ANXA4: variants seen among roughly 807,000 people sequenced by gnomAD.
ANXA4 encodes the protein 35-beta calcimedin.
A neutral mutation model predicts 49.8 loss-of-function variants in ANXA4; 39 were observed. The observed-to-expected ratio is 0.78, with a 90% CI of 0.61 to 1.02. ANXA4 has a LOEUF of 1.02. ANXA4 is among the 50% of genes least tolerant of loss of function. The pLI is 0.00. For missense variants in ANXA4, 360 were observed against 410.1 expected, an observed-to-expected ratio of 0.88 and a Z score of 1.05; for synonymous variants, 134 against 152.5, an observed-to-expected ratio of 0.88 and a Z score of 0.89.
At chr2:69,651,419 C>T (rs183360787) in intron 1 of ANXA4, among the ~76,000 whole-genome samples, 1 of 152,174 alleles carries the variant, frequency 6.6e-6, no homozygotes, top group African/African-American at 2.4e-5. Context: ...TTGATTCTTA[C>T]TTGCCTTACT....
chr2:69,674,801 A>G (rs1283884231), intron 2 of ANXA4, among the ~76,000 whole-genome samples: 1 of 152,118 alleles, frequency 6.6e-6, no homozygotes, highest in African/African-American at 2.4e-5. Flanking sequence ...TGTGACTTCA[A>G]TACCTATTCT....
intron 6 of ANXA4, chr2:69,808,544 G>A (rs1287536896): frequency 3.3e-5 from 5 of 153,632 alleles, no homozygotes; most frequent in Non-Finnish European, 1.4e-5. Context: ...ATTCAGCATT[G>A]TCTACATTAG....
chr2:69,745,763 T>G (rs1160488931), intron 1 of ANXA4, among the ~76,000 whole-genome samples: 1 of 152,104 alleles, frequency 6.6e-6, no homozygotes, highest in South Asian at 2.1e-4. Flanking sequence ...ACTCCTGACC[T>G]CAGATGATCC....
intron 1 of ANXA4, among the ~76,000 whole-genome samples, chr2:69,747,792 C>A (rs535597417): frequency 6.0e-4 from 91 of 152,152 alleles, no homozygotes; most frequent in African/African-American, 2.1e-3. Context: ...TTTAAGCAAT[C>A]CTTCCACTTC....
chr2:69,778,167 G>T (rs990510780), intron 1 of ANXA4, among the ~76,000 whole-genome samples: 1 of 152,182 alleles, frequency 6.6e-6, no homozygotes, highest in Non-Finnish European at 1.5e-5. Context: ...AGCTACTGTG[G>T]TTTGCCGACC....
chr2:69,695,095 G>C (rs1018913838), intron 2 of ANXA4, among the ~76,000 whole-genome samples: 4 of 151,968 alleles, frequency 2.6e-5, no homozygotes, highest in African/African-American at 4.8e-5. Context: ...AGAAAGCCAT[G>C]ATTGCGCCAC....
Position 69,656,260 on chromosome 2 carries a change from TATATATATGTATATAC to T in ANXA4, n.766+2979_766+2994del, listed in dbSNP as rs1343679129. Among the ~76,000 whole-genome samples, 24 of 136,626 alleles carry T rather than the reference TATATATATGTATATAC, an allele frequency of 1.8e-4. 3 individuals carry two copies. In the East Asian group the frequency reaches 4.6e-3, roughly 26 times the overall value. The allele number at this position is 136,626 out of a possible 152,430, so 89.6% of individuals were successfully genotyped here. Reference sequence around the variant, plus strand: ...ATATACGTATATATATGTATATACGTATATATATGTATATACGTATATATATACATATATGTATATA... The same window carrying T: ...ATATACGTATATATATGTATATACGTGTATATATATACATATATGTATATA... On this transcript the variant is annotated intron_variant and non_coding_transcript_variant, in intron 2 of 3. Coordinates refer to the ANXA4 transcript ENST00000418066.
At chr2:69,715,964 T>A (rs920822548) in intron 2 of ANXA4, among the ~76,000 whole-genome samples, 5 of 152,170 alleles carry the variant, frequency 3.3e-5, no homozygotes, top group Admixed American at 6.5e-5. Flanking sequence ...ATGGGCCAAG[T>A]GCTGGGCACA....
intron 1 of ANXA4, among the ~76,000 whole-genome samples, chr2:69,758,478 C>T (rs948836854): frequency 6.6e-6 from 1 of 152,108 alleles, no homozygotes; most frequent in Admixed American, 6.5e-5. Flanking sequence ...GAAAATTAGC[C>T]GGAAGTGGTG....
intron 1 of ANXA4, among the ~76,000 whole-genome samples, chr2:69,776,702 G>A (rs762090267): frequency 9.9e-5 from 15 of 151,992 alleles, no homozygotes; most frequent in Non-Finnish European, 1.8e-4. Flanking sequence ...TAATTGTCTT[G>A]GACCACACAT....
intron 3 of ANXA4, among the ~76,000 whole-genome samples, chr2:69,795,183 C>T (rs142762539): frequency 3.9e-5 from 6 of 152,196 alleles, no homozygotes; most frequent in African/African-American, 7.2e-5. Flanking sequence ...GACCTGAGGA[C>T]GGGAAAACTT....
intron 6 of ANXA4, chr2:69,809,579 A>G (rs13392884): frequency 0.58 from 88,221 of 151,622 alleles, 27,833 homozygotes; most frequent in African/African-American, 0.83. Flanking sequence ...CCAGGCTGAG[A>G]TGATCCTCCC....
chr2:69,790,156 T>C (rs1672621141), intron 3 of ANXA4, among the ~76,000 whole-genome samples: 1 of 152,182 alleles, frequency 6.6e-6, no homozygotes, highest in Non-Finnish European at 1.5e-5. Context: ...TGCTTTTTGT[T>C]AAAAGGAAAG....
intron 2 of ANXA4, among the ~76,000 whole-genome samples, chr2:69,706,922 CCTT>C (rs1678519385): frequency 6.6e-6 from 1 of 152,192 alleles, no homozygotes; most frequent in Non-Finnish European, 1.5e-5. Context: ...TCATCTTCCT[CCTT>C]TATTTCACAT....
intron 1 of ANXA4, among the ~76,000 whole-genome samples, chr2:69,776,256 G>A (rs1022793126): frequency 7.2e-5 from 11 of 152,052 alleles, no homozygotes; most frequent in Non-Finnish European, 1.0e-4. Flanking sequence ...AATTACAGGC[G>A]TGAGCCACCA....
At chr2:69,774,773 G>A (rs1235282972) in intron 1 of ANXA4, among the ~76,000 whole-genome samples, 2 of 152,142 alleles carry the variant, frequency 1.3e-5, no homozygotes, top group African/African-American at 4.8e-5. Context: ...TTCATCAGGG[G>A]TATTCTACTT....
chr2:69,804,152 A>G (rs948478476), intron 3 of ANXA4, among the ~76,000 whole-genome samples: 1 of 151,508 alleles, frequency 6.6e-6, no homozygotes, highest in African/African-American at 2.4e-5. Flanking sequence ...AAAAAAAAAA[A>G]AAAAAAATAT....
intron 1 of ANXA4, among the ~76,000 whole-genome samples, chr2:69,774,399 C>T (rs967144774): frequency 4.1e-5 from 5 of 122,086 alleles, no homozygotes; most frequent in South Asian, 5.8e-4. Context: ...AGAGCAGTGG[C>T]GCAATCTCAG....
At chr2:69,732,538 C>A (rs562210616) in intron 3 of ANXA4, among the ~76,000 whole-genome samples, 260 of 152,028 alleles carry the variant, frequency 1.7e-3, no homozygotes, top group African/African-American at 5.7e-3. Flanking sequence ...GCAGGCGGAT[C>A]ACCTGAGGTC....
Sources: gnomAD v4.1 joint callset for allele counts (sites outside exome capture counted in the v4.1 genomes callset) on GRCh38, gnomAD v4.1.1 for gene constraint, MANE v1.5 for transcripts, NCBI Gene and HGNC (gene_info 2026-07-23, HGNC 2026-07-21) for gene names.